RALGAPA2: variants seen among roughly 807,000 people sequenced by gnomAD.
RALGAPA2 encodes the protein ral GTPase-activating protein subunit alpha-2.
Under a neutral mutation model 230.4 loss-of-function variants are expected in RALGAPA2, and 139 were observed. The ratio of observed to expected loss-of-function variants is 0.60; its 90% CI spans 0.53 to 0.69. The LOEUF is 0.69. Ranked by LOEUF, RALGAPA2 falls within the 30% of genes least tolerant of loss-of-function variation. RALGAPA2 has a pLI of 0.00. For missense variants in RALGAPA2, 2,163 were observed against 2,276.0 expected (o/e 0.95, Z 1.01); for synonymous variants, 847 against 837.8 (o/e 1.01, Z -0.19).
intron 38 of RALGAPA2, among the ~76,000 whole-genome samples, chr20:20,411,705 G>A (rs2060063362): frequency 6.6e-6 from 1 of 152,084 alleles, no homozygotes; most frequent in Non-Finnish European, 1.5e-5. Flanking sequence ...CACTGATTCG[G>A]GCATCGCTTT....
At position 20,668,356 on chromosome 20, in the gene RALGAPA2, T is replaced by C. The variant is rs567317116; in HGVS notation, c.270+7880A>G. Among the ~76,000 whole-genome samples, 71 of 152,170 alleles carry C rather than the reference T, an allele frequency of 4.7e-4. 2 individuals carry two copies. The South Asian group carries it at 0.011, about 24-fold the overall frequency. On this transcript the variant is annotated intron_variant, in intron 3 of 39. Coordinates refer to ENST00000202677, the MANE Select transcript of RALGAPA2 (RefSeq NM_020343.4). ...AGGCGGAGGTTGCAGTGAACCAAGATAGTGCCACTGCACTCCAGCCTGAGC... is the reference window on the plus strand; with the variant it reads ...AGGCGGAGGTTGCAGTGAACCAAGACAGTGCCACTGCACTCCAGCCTGAGC...
chr20:20,639,186 GT>G (rs1442283878), intron 7 of RALGAPA2, among the ~76,000 whole-genome samples: 2 of 152,222 alleles, frequency 1.3e-5, no homozygotes, highest in African/African-American at 4.8e-5. Flanking sequence ...CAACAACTCG[GT>G]TGTGAAGGGG....
intron 30 of RALGAPA2, among the ~76,000 whole-genome samples, chr20:20,522,358 A>G (rs778777224): frequency 6.6e-6 from 1 of 152,182 alleles, no homozygotes; most frequent in Non-Finnish European, 1.5e-5. Context: ...GGTTTATTCT[A>G]TGTAATACTA....
intron 16 of RALGAPA2, among the ~76,000 whole-genome samples, chr20:20,595,237 G>C (rs2065416685): frequency 1.3e-5 from 2 of 152,104 alleles, no homozygotes; most frequent in Non-Finnish European, 2.9e-5. Context: ...AGTAAGTGGA[G>C]TGAGGCTCAT....
At chr20:20,443,767 A>T (rs971000872) in intron 37 of RALGAPA2, among the ~76,000 whole-genome samples, 2 of 152,260 alleles carry the variant, frequency 1.3e-5, no homozygotes, top group Admixed American at 1.3e-4. Flanking sequence ...TGGTGCCCAC[A>T]TGAAGTGCTT....
At chr20:20,403,202 G>A (rs143177703) in intron 38 of RALGAPA2, among the ~76,000 whole-genome samples, 2 of 152,212 alleles carry the variant, frequency 1.3e-5, no homozygotes, top group African/African-American at 4.8e-5. Flanking sequence ...CTCCTTTCCC[G>A]TCTGGAAGGT....
At chr20:20,507,361 T>C (rs2145292767) in intron 33 of RALGAPA2, among the ~76,000 whole-genome samples, 1 of 152,324 alleles carries the variant, frequency 6.6e-6, no homozygotes, top group African/African-American at 2.4e-5. Context: ...ATATCTTTTT[T>C]TGAGATAGTC....
At chr20:20,531,582 C>T (rs1452863088) in intron 27 of RALGAPA2, 105 bp downstream of exon 27, 26 of 981,980 alleles carry the variant, frequency 2.6e-5, no homozygotes, top group African/African-American at 4.8e-5. Flanking sequence ...AATCACAATC[C>T]CTCTGTCATT....
Position 20,580,477 on chromosome 20 carries a change from C to T in RALGAPA2, c.2707+2573G>A, listed in dbSNP as rs182464584. Among the ~76,000 whole-genome samples the T allele has an allele frequency of 5.3e-4, 81 of 152,272 alleles. No individual in the cohort carries two copies. The East Asian group carries it at 0.013, about 24-fold the overall frequency. On this transcript the variant is annotated intron_variant, in intron 20 of 39. Coordinates refer to ENST00000202677, the MANE Select transcript of RALGAPA2 (RefSeq NM_020343.4). ...GGGTACCAGGAAACTAGAAACAGCC[C>T]GTATGCTCCAGAGCCCACTGAAGTC...
chr20:20,414,195 G>A (rs1427260614), intron 37 of RALGAPA2, among the ~76,000 whole-genome samples: 2 of 152,166 alleles, frequency 1.3e-5, no homozygotes. Flanking sequence ...CTGAGCCTTT[G>A]GACCGCCGTG....
At chr20:20,663,681 T>A (rs1377807469) in intron 3 of RALGAPA2, among the ~76,000 whole-genome samples, 1 of 152,144 alleles carries the variant, frequency 6.6e-6, no homozygotes, top group Non-Finnish European at 1.5e-5. Flanking sequence ...AATCTCTGCC[T>A]CCTGGGTTCA....
At chr20:20,654,658 G>A (rs1469229446) in intron 3 of RALGAPA2, among the ~76,000 whole-genome samples, 1 of 152,162 alleles carries the variant, frequency 6.6e-6, no homozygotes, top group Non-Finnish European at 1.5e-5. Flanking sequence ...GGACACTTAG[G>A]TTGTTTCCAT....
chr20:20,643,707 GT>G (rs2067116204), intron 4 of RALGAPA2, among the ~76,000 whole-genome samples, 158 bp from the exon 5 acceptor site: 1 of 152,146 alleles, frequency 6.6e-6, no homozygotes, highest in Non-Finnish European at 1.5e-5. Flanking sequence ...AGGGAAAGAC[GT>G]TTTCAAGATA....
intron 37 of RALGAPA2, among the ~76,000 whole-genome samples, chr20:20,412,760 G>A (rs1371878456): frequency 6.6e-6 from 1 of 152,136 alleles, no homozygotes; most frequent in African/African-American, 2.4e-5. Flanking sequence ...AAAGACTACT[G>A]CCTTTTAATT....
chr20:20,453,306 A>G (rs1602410273), intron 37 of RALGAPA2, among the ~76,000 whole-genome samples: 1 of 152,176 alleles, frequency 6.6e-6, no homozygotes, highest in Non-Finnish European at 1.5e-5. Context: ...AAGACAAGAC[A>G]GTAGCACATC....
At chr20:20,641,348 CAAAGAT>C (rs1568690339) in intron 5 of RALGAPA2, among the ~76,000 whole-genome samples, 2 of 152,176 alleles carry the variant, frequency 1.3e-5, no homozygotes, top group African/African-American at 2.4e-5. Flanking sequence ...AAAACAATGA[CAAAGAT>C]AATCTCCCTC....
intron 33 of RALGAPA2, among the ~76,000 whole-genome samples, chr20:20,507,352 T>G (rs2062564840): frequency 6.6e-6 from 1 of 152,210 alleles, no homozygotes; most frequent in African/African-American, 2.4e-5. Context: ...CTTTTCACAA[T>G]ATCTTTTTTT....
At chr20:20,501,475 CCT>C (rs1441784785) in intron 35 of RALGAPA2, among the ~76,000 whole-genome samples, 1 of 152,238 alleles carries the variant, frequency 6.6e-6, no homozygotes, top group Non-Finnish European at 1.5e-5. Flanking sequence ...AGCTTCCTCA[CCT>C]CTCTCAGCCT....
intron 1 of RALGAPA2, among the ~76,000 whole-genome samples, chr20:20,692,669 G>T (rs1420579638): frequency 6.6e-6 from 1 of 152,200 alleles, no homozygotes; most frequent in African/African-American, 2.4e-5. Context: ...GCTGAGAAAA[G>T]CTTTACTGAT....
Sources: gnomAD v4.1 joint callset for allele counts (sites outside exome capture counted in the v4.1 genomes callset) on GRCh38, gnomAD v4.1.1 for gene constraint, MANE v1.5 for transcripts, NCBI Gene and HGNC (gene_info 2026-07-23, HGNC 2026-07-21) for gene names.